Variants in CACNA1D observed in about 807,000 individuals in gnomAD.
CACNA1D encodes the protein voltage-dependent L-type calcium channel subunit alpha-1D.
In CACNA1D, 55 loss-of-function variants were observed where a neutral mutation model predicts 257.1. That is an observed-to-expected ratio of 0.21 (90% CI 0.17 to 0.27). CACNA1D has a LOEUF of 0.27. CACNA1D is among the 10% of genes least tolerant of loss of function. The pLI is 1.00. For missense variants in CACNA1D, 1,876 were observed against 2,784.0 expected (o/e 0.67, Z 7.34); for synonymous variants, 980 against 1,014.9 (o/e 0.97, Z 0.65).
intron 33 of CACNA1D, chr3:53,773,801 C>A (rs1038224397): frequency 6.6e-6 from 1 of 151,992 alleles, no homozygotes; most frequent in Non-Finnish European, 1.5e-5. Flanking sequence ...TGCTATGTGC[C>A]CTGGAAGGTC....
intron 3 of CACNA1D, among the ~76,000 whole-genome samples, chr3:53,543,523 C>G (rs940409577): frequency 2.0e-5 from 3 of 152,174 alleles, no homozygotes; most frequent in African/African-American, 7.2e-5. Flanking sequence ...GACACTCTGG[C>G]AGTACCCAGG....
At position 53,747,590 on chromosome 3, in the gene CACNA1D, T is replaced by A. The variant is rs144480689; in HGVS notation, c.3314+142T>A. ...TTTTTAACCTTGGGCCACTTCTCAG[T>A]CACTTCTTGACCCACAGGGCCTCTT... On this transcript the variant is annotated intron_variant, in intron 26 of 47. Transcript: ENST00000350061. 68 of 840,114 alleles carry A rather than the reference T, an allele frequency of 8.1e-5. No individual in the cohort carries two copies. The African/African-American group carries it at 1.0e-3, about 13-fold the overall frequency. The allele number at this position is 840,114 out of a possible 1,614,324, so 52.0% of individuals were successfully genotyped here.
chr3:53,790,923 CT>C, intron 40 of CACNA1D: 2 of 695,210 alleles, frequency 2.9e-6, no homozygotes, highest in Non-Finnish European at 5.2e-6. Context: ...TTTTTTTAAT[CT>C]AAGAGGAGAA....
intron 9 of CACNA1D, among the ~76,000 whole-genome samples, chr3:53,707,911 G>C (rs773447591): frequency 6.6e-6 from 1 of 152,206 alleles, no homozygotes; most frequent in Non-Finnish European, 1.5e-5. Flanking sequence ...ATTCCTCTAA[G>C]TAAAGATATT....
chr3:53,808,570 G>C, intron 45 of CACNA1D, 79 bp from the exon 46 acceptor site: 1 of 1,569,572 alleles, frequency 6.4e-7, no homozygotes, highest in Non-Finnish European at 8.7e-7. Context: ...CTGAGCATCC[G>C]GGGCCACCCT....
At chr3:53,668,759 A>G (rs968259549) in intron 7 of CACNA1D, among the ~76,000 whole-genome samples, 1 of 152,206 alleles carries the variant, frequency 6.6e-6, no homozygotes. Context: ...CCCTTCCACT[A>G]TAGCTAGGAA....
chr3:53,765,088 G>A (rs1228340479), intron 30 of CACNA1D, among the ~76,000 whole-genome samples: 2 of 152,176 alleles, frequency 1.3e-5, no homozygotes, highest in Non-Finnish European at 2.9e-5. Flanking sequence ...ACATTCACTG[G>A]GCATCTATCA....
intron 3 of CACNA1D, among the ~76,000 whole-genome samples, chr3:53,602,330 G>A (rs1320744469): frequency 6.6e-6 from 1 of 152,184 alleles, no homozygotes; most frequent in Non-Finnish European, 1.5e-5. Flanking sequence ...GTGTATATAT[G>A]CCACACTTTC....
At chr3:53,704,070 G>A (rs762688623) in intron 9 of CACNA1D, among the ~76,000 whole-genome samples, 1 of 152,166 alleles carries the variant, frequency 6.6e-6, no homozygotes, top group Non-Finnish European at 1.5e-5. Flanking sequence ...GGAGGAAGCA[G>A]TGGGCCCTTC....
chr3:53,673,152 AAGC>A lies in CACNA1D; in HGVS notation c.1220+29_1220+31del. 6.8e-7 allele frequency: 1 copy of A among 1,475,206 alleles called. No homozygotes were observed. The highest frequency in any genetic ancestry group is 9.3e-7 in the Non-Finnish European group (1 of 1,077,486). 91.4% of individuals were successfully genotyped at this position (1,475,206 alleles called of 1,614,324 possible). A position where few individuals can be genotyped will look rare whatever the true frequency, so the allele number is the denominator to read the frequency against. On this transcript the variant is annotated intron_variant, in intron 8 of 47. Coordinates refer to ENST00000350061, the MANE Select transcript of CACNA1D (RefSeq NM_001128840.3). The surrounding 1 kb of genome is among the most constrained non-coding windows in gnomAD (Gnocchi z 4.1). ...GTAAGCTACACCTCTTTCATCTTGAAAGCAGAGTCCTGAGGACAGTTGCCAAGA... is the reference window on the plus strand; with the variant it reads ...GTAAGCTACACCTCTTTCATCTTGAAAGAGTCCTGAGGACAGTTGCCAAGA...
intron 39 of CACNA1D, 149 bp from the exon 40 acceptor site, chr3:53,786,673 G>A: frequency 1.4e-6 from 1 of 706,758 alleles, no homozygotes. Flanking sequence ...TGAGACCCCT[G>A]TGTTATATGC....
intron 3 of CACNA1D, among the ~76,000 whole-genome samples, chr3:53,536,764 A>G (rs2092126222): frequency 6.6e-6 from 1 of 152,252 alleles, no homozygotes; most frequent in Non-Finnish European, 1.5e-5. Context: ...AGCCCCACTC[A>G]TCCATTTACG....
intron 43 of CACNA1D, among the ~76,000 whole-genome samples, chr3:53,802,819 C>T (rs1459045612): frequency 6.6e-6 from 1 of 152,186 alleles, no homozygotes; most frequent in African/African-American, 2.4e-5. Context: ...ATCACCACGT[C>T]CTTCTCTGAG....
chr3:53,763,621 C>G (rs1416397112), intron 30 of CACNA1D, among the ~76,000 whole-genome samples: 1 of 152,208 alleles, frequency 6.6e-6, no homozygotes, highest in Non-Finnish European at 1.5e-5. Flanking sequence ...ACCCCCTGCC[C>G]CTGATGCTCT....
intron 3 of CACNA1D, among the ~76,000 whole-genome samples, chr3:53,505,997 A>G (rs1371101659): frequency 2.0e-5 from 3 of 152,188 alleles, no homozygotes; most frequent in African/African-American, 7.2e-5. Context: ...CTGCATGGTC[A>G]CGTAGTTCGG....
intron 3 of CACNA1D, among the ~76,000 whole-genome samples, chr3:53,550,077 C>T (rs1010973586): frequency 2.6e-5 from 4 of 152,142 alleles, no homozygotes; most frequent in Admixed American, 2.0e-4. Flanking sequence ...TCCCTGATTG[C>T]CCCTCATAGA....
chr3:53,687,731 T>C (rs1362866959), intron 8 of CACNA1D, among the ~76,000 whole-genome samples: 2 of 152,196 alleles, frequency 1.3e-5, no homozygotes, highest in Non-Finnish European at 2.9e-5. Context: ...CATCTGTGTA[T>C]CTAGAATATG....
In CACNA1D at chr3:53,810,778, A is replaced by AC. The variant is rs1553692563; in HGVS notation, c.6193-335_6193-334insC. Among the ~76,000 whole-genome samples the AC allele has an allele frequency of 5.6e-3, 829 of 148,486 alleles. 20 individuals are homozygous for AC. The highest frequency in any genetic ancestry group is 0.019 in the African/African-American group (768 of 39,462). On this transcript the variant is annotated intron_variant, in intron 47 of 47. Transcript: ENST00000350061. ...TGTCTCAAAAAAAAAAAAAAAAAAA[A>AC]AAAAAAAACAAAAACTGGTCACCAC... is the stretch of plus-strand genomic sequence containing the variant.
intron 46 of CACNA1D, chr3:53,808,992 G>T (rs2106888754): frequency 1.7e-6 from 1 of 575,828 alleles, no homozygotes; most frequent in Non-Finnish European, 3.1e-6. Context: ...AATCCAGGGA[G>T]CCAGCTGCCA....
Sources: gnomAD v4.1 joint callset for allele counts (sites outside exome capture counted in the v4.1 genomes callset) on GRCh38, gnomAD v4.1.1 for gene constraint, Gnocchi (gnomAD v3.1) non-coding constraint, MANE v1.5 for transcripts, NCBI Gene and HGNC (gene_info 2026-07-23, HGNC 2026-07-21) for gene names.